Variants in ZNF568 observed in about 807,000 individuals in gnomAD.
ZNF568 encodes p53 inhibitor of SCO2 activation.
Under a neutral mutation model 18.1 loss-of-function variants are expected in ZNF568, and 11 were observed. The ratio of observed to expected loss-of-function variants is 0.61; its 90% CI spans 0.38 to 1.00. The LOEUF (loss-of-function observed/expected upper bound fraction) is 1.00, where lower values mean the gene tolerates loss of function less well. Among genes scored for constraint, ZNF568 ranks in the 50% least tolerant of loss-of-function variants. The pLI, the probability that ZNF568 is intolerant of heterozygous loss-of-function variation, is 0.01. For synonymous variants in ZNF568, 213 were observed against 246.6 expected, an observed-to-expected ratio of 0.86 and a Z score of 1.28; for missense variants, 639 against 768.2, an observed-to-expected ratio of 0.83 and a Z score of 1.99.
intron 2 of ZNF568, among the ~76,000 whole-genome samples, chr19:36,918,795 C>A (rs2073398908): frequency 6.6e-6 from 1 of 152,128 alleles, no homozygotes; most frequent in Non-Finnish European, 1.5e-5. Flanking sequence ...ACTCTGTACC[C>A]CCCTTTCCCC....
At position 36,942,322 on chromosome 19, in the gene ZNF568, G is replaced by C. The variant is rs542183741; in HGVS notation, c.358+5080G>C. Among the ~76,000 whole-genome samples the C allele has an allele frequency of 1.5e-4, 23 of 151,962 alleles. No homozygotes were observed. In the South Asian group the frequency reaches 4.8e-3, roughly 32 times the overall value. ...ATAAGAATAGAGAGATAAAGGAGCT[G>C]GTCGCGGCAGCTCACGCCTGTAATC... is the stretch of plus-strand genomic sequence containing the variant. On this transcript the variant is annotated intron_variant, in intron 6 of 6. Transcript: ENST00000333987.
At position 36,916,949 on chromosome 19, in the gene ZNF568, T is replaced by C. The variant is rs10424415; in HGVS notation, c.-256+358T>C. Reference sequence around the variant, plus strand: ...TTCTTTGCTGTCTTTTTTACCCTAGTAGCCCTTGGCCCTTTGTAATTTTCC... The same window carrying C: ...TTCTTTGCTGTCTTTTTTACCCTAGCAGCCCTTGGCCCTTTGTAATTTTCC... On this transcript the variant is annotated intron_variant, in intron 1 of 6. Coordinates refer to ENST00000333987, the MANE Select transcript of ZNF568 (RefSeq NM_198539.4). This position sits in a 1 kb window ranked among gnomAD's most constrained non-coding sequence, Gnocchi z 5.3. 0.048 allele frequency among the ~76,000 whole-genome samples: 7,265 copies of C among 152,242 alleles called. 360 individuals are homozygous for C. The highest frequency in any genetic ancestry group is 0.12 in the African/African-American group (5,084 of 41,524).
At chr19:36,990,384 G>A (rs764358277) in intron 2 of ZNF568, among the ~76,000 whole-genome samples, 32 of 152,336 alleles carry the variant, frequency 2.1e-4, no homozygotes, top group African/African-American at 5.8e-4. Context: ...GGAGGCCAAG[G>A]CGGGTAGATC....
chr19:36,983,893 C>CTTTTTTT (rs57048125), downstream of ZNF568, among the ~76,000 whole-genome samples: 540 of 108,522 alleles, frequency 5.0e-3, 9 homozygotes, highest in African/African-American at 9.3e-3. Flanking sequence ...CAACTTTGTC[C>CTTTTTTT]TTTTTTTTTT....
At chr19:36,948,658 ATTTTTTT>A (rs4069585) in intron 6 of ZNF568, among the ~76,000 whole-genome samples, 955 of 83,564 alleles carry the variant, frequency 0.011, 15 homozygotes, top group South Asian at 0.047. Context: ...TTTGTTGTTG[ATTTTTTT>A]TTTTTTTTTT....
chr19:36,918,034 C>G (rs1257762113), intron 2 of ZNF568, among the ~76,000 whole-genome samples: 3 of 152,154 alleles, frequency 2.0e-5, no homozygotes, highest in Non-Finnish European at 4.4e-5. Flanking sequence ...CTGCAAACTC[C>G]GCCTCCCGAG....
At chr19:36,947,312 G>C (rs1160060726) in intron 6 of ZNF568, among the ~76,000 whole-genome samples, 1 of 152,024 alleles carries the variant, frequency 6.6e-6, no homozygotes, top group Non-Finnish European at 1.5e-5. Flanking sequence ...CCATGCCCTG[G>C]CTGAACCTGG....
At chr19:36,934,285 G>A (rs2073749817) in intron 4 of ZNF568, among the ~76,000 whole-genome samples, 1 of 145,024 alleles carries the variant, frequency 6.9e-6, no homozygotes, top group Non-Finnish European at 1.5e-5. Context: ...GATTTAGTTT[G>A]ATCATCTTCT....
intron 6 of ZNF568, among the ~76,000 whole-genome samples, chr19:36,972,551 AGT>A (rs979207192): frequency 7.7e-4 from 75 of 97,806 alleles, no homozygotes; most frequent in African/African-American, 3.4e-3. Flanking sequence ...AGCAGAAATT[AGT>A]GACTTAAATG....
rs184021721 is a variant in ZNF568 at position 36,916,466 on chromosome 19, A to G, written c.-381A>G. The stretch of plus-strand genomic sequence containing the variant: ...GGATGAACATTCGGGTGTTTCCGGC[A>G]GGTGACGCTGCCGAGTCCCCGCAGC... On this transcript the variant is annotated 5_prime_UTR_variant, in exon 1 of 7. Coordinates refer to ENST00000333987, the MANE Select transcript of ZNF568 (RefSeq NM_198539.4). The surrounding 1 kb of genome is among the most constrained non-coding windows in gnomAD (Gnocchi z 5.3). The G allele has an allele frequency of 7.6e-3, 1,153 of 152,598 alleles. 13 individuals carry two copies. Among genetic ancestry groups the G allele is most frequent in the Non-Finnish European group, 0.012 (805 of 68,216 alleles). 9.5% of individuals were successfully genotyped at this position (152,598 alleles called of 1,614,324 possible). A position where few individuals can be genotyped will look rare whatever the true frequency, so the allele number is the denominator to read the frequency against.
At chr19:36,920,588 T>A (rs1328770386) in intron 2 of ZNF568, among the ~76,000 whole-genome samples, 1 of 147,874 alleles carries the variant, frequency 6.8e-6, no homozygotes, top group Non-Finnish European at 1.5e-5. Context: ...GTGCCATTAC[T>A]CCAGCCTGGG....
At chr19:36,919,064 G>A (rs1266992256) in intron 2 of ZNF568, among the ~76,000 whole-genome samples, 2 of 151,954 alleles carry the variant, frequency 1.3e-5, no homozygotes, top group Non-Finnish European at 2.9e-5. Flanking sequence ...TCTACCTTTT[G>A]GCAATTGCAA....
intron 6 of ZNF568, among the ~76,000 whole-genome samples, chr19:36,960,837 G>A (rs1262140889): frequency 1.3e-5 from 2 of 151,832 alleles, no homozygotes; most frequent in Admixed American, 6.6e-5. Context: ...AGTTTCCAAA[G>A]TTCCTCTTGG....
rs574288575 is a variant in ZNF568 at position 36,952,623 on chromosome 19, T to G, written c.*1535T>G. The G allele has an allele frequency of 2.5e-5, 5 of 197,436 alleles. No homozygotes were observed. The highest frequency in any genetic ancestry group is 1.2e-4 in the African/African-American group (5 of 42,264). The allele number at this position is 197,436 out of a possible 1,614,324, so 12.2% of individuals were successfully genotyped here. On this transcript the variant is annotated 3_prime_UTR_variant, in exon 7 of 7. Coordinates refer to ENST00000333987, the MANE Select transcript of ZNF568 (RefSeq NM_198539.4). ...TATTGATAGCATTGTCTCTGGAGAT[T>G]GAATTTGAGGCTGTTGATTAAAAGG...
intron 4 of ZNF568, among the ~76,000 whole-genome samples, chr19:36,994,946 G>A (rs749932133): frequency 5.3e-5 from 8 of 151,872 alleles, no homozygotes; most frequent in East Asian, 3.9e-4. Context: ...CACCGCGCCC[G>A]GCCAAAATAT....
chr19:36,965,408 C>A (rs748669048), intron 6 of ZNF568, among the ~76,000 whole-genome samples: 3 of 152,084 alleles, frequency 2.0e-5, no homozygotes, highest in Non-Finnish European at 4.4e-5. Context: ...CATAATCAGC[C>A]AACACAGTCT....
At chr19:36,936,066 A>G (rs553277951) in intron 4 of ZNF568, among the ~76,000 whole-genome samples, 2 of 152,182 alleles carry the variant, frequency 1.3e-5, no homozygotes, top group East Asian at 3.9e-4. Context: ...TCACTAAGCA[A>G]ATATTTTCCA....
At chr19:36,983,506 A>G (rs2074348870), downstream of ZNF568, among the ~76,000 whole-genome samples, 1 of 152,184 alleles carries the variant, frequency 6.6e-6, no homozygotes, top group African/African-American at 2.4e-5. Context: ...GTTAAGGTCC[A>G]GGGTGGTCAG....
exon 5 of ZNF568, chr19:36,996,802 G>A (rs59929627): frequency 0.01 from 16,127 of 1,554,678 alleles, 139 homozygotes; most frequent in African/African-American, 0.037. Context: ...TAAATGTAAG[G>A]AATGTGGGAA....
Sources: gnomAD v4.1 joint callset for allele counts (sites outside exome capture counted in the v4.1 genomes callset) on GRCh38, gnomAD v4.1.1 for gene constraint, Gnocchi (gnomAD v3.1) non-coding constraint, MANE v1.5 for transcripts, NCBI Gene and HGNC (gene_info 2026-07-23, HGNC 2026-07-21) for gene names.